The following MARK1 variants were observed in gnomAD, a reference collection of about 807,000 sequenced individuals.
MARK1 encodes serine/threonine-protein kinase MARK1.
In MARK1, 40 loss-of-function variants were observed where a neutral mutation model predicts 96.3. The ratio of observed to expected loss-of-function variants is 0.42; its 90% CI spans 0.32 to 0.54. MARK1 has a LOEUF of 0.54. Ranked by LOEUF, MARK1 falls within the 20% of genes least tolerant of loss-of-function variation. The pLI is 0.16. For synonymous variants in MARK1, 317 were observed against 341.2 expected (o/e 0.93, Z 0.78); for missense variants, 719 against 984.6 (o/e 0.73, Z 3.61).
At chr1:220,594,422 G>A (rs144916855) in intron 3 of MARK1, among the ~76,000 whole-genome samples, 13 of 152,256 alleles carry the variant, frequency 8.5e-5, no homozygotes, top group East Asian at 7.7e-4. Flanking sequence ...TGTTGCTGGC[G>A]GAAATGCAAA....
chr1:220,653,671 T>G (rs1669016900), intron 16 of MARK1, among the ~76,000 whole-genome samples: 1 of 152,168 alleles, frequency 6.6e-6, no homozygotes, highest in Non-Finnish European at 1.5e-5. Flanking sequence ...GGAAAAGAAA[T>G]GAGTTTACAT....
intron 1 of MARK1, among the ~76,000 whole-genome samples, chr1:220,555,939 G>C (rs1662214268): frequency 6.6e-6 from 1 of 152,170 alleles, no homozygotes; most frequent in African/African-American, 2.4e-5. Flanking sequence ...CTAATATGTA[G>C]ATAGACTTAA....
chr1:220,628,252 C>T lies in MARK1; in HGVS notation c.910-2783C>T, dbSNP rs1446082357. 3.9e-5 allele frequency among the ~76,000 whole-genome samples: 6 copies of T among 152,158 alleles called. No homozygotes were observed. In the South Asian group the frequency reaches 6.2e-4, roughly 16 times the overall value. On this transcript the variant is annotated intron_variant, in intron 9 of 17. Coordinates refer to ENST00000366917, the MANE Select transcript of MARK1 (RefSeq NM_018650.5). The stretch of plus-strand genomic sequence containing the variant: ...TCCTTTTCCTCAGCTTTTATACATA[C>T]GTGAATCTCTTCCACTAAAAAAGGC...
At chr1:220,644,240 A>C (rs1248736254) in intron 13 of MARK1, among the ~76,000 whole-genome samples, 3 of 152,160 alleles carry the variant, frequency 2.0e-5, no homozygotes, top group African/African-American at 7.2e-5. Flanking sequence ...AAGCAAATAG[A>C]AAGCAGAAAA....
At chr1:220,583,221 A>C (rs986779869) in intron 3 of MARK1, among the ~76,000 whole-genome samples, 1 of 152,178 alleles carries the variant, frequency 6.6e-6, no homozygotes, top group South Asian at 2.1e-4. Context: ...TTGTAATCTC[A>C]CTTCTAGAAG....
intron 13 of MARK1, among the ~76,000 whole-genome samples, chr1:220,638,665 TCA>T (rs1371525336): frequency 1.3e-5 from 2 of 152,168 alleles, no homozygotes; most frequent in Non-Finnish European, 2.9e-5. Context: ...ATTAAATATG[TCA>T]CACTTATTTA....
chr1:220,528,573 C>G lies in MARK1; in HGVS notation c.-250C>G. 2.1e-6 allele frequency: 1 copy of G among 469,754 alleles called. No homozygotes were observed. The highest frequency in any genetic ancestry group is 3.7e-6 in the Non-Finnish European group (1 of 267,786). The allele number at this position is 469,754 out of a possible 1,614,324, so 29.1% of individuals were successfully genotyped here. On this transcript the variant is annotated 5_prime_UTR_variant, in exon 1 of 18. Coordinates refer to ENST00000366917, the MANE Select transcript of MARK1 (RefSeq NM_018650.5). Reference sequence around the variant, plus strand: ...CGCCAGCGCCGGGCAACCGCCTCGCCCGAAGCCCTCCCTCGTTACTGTCCG... The same window carrying G: ...CGCCAGCGCCGGGCAACCGCCTCGCGCGAAGCCCTCCCTCGTTACTGTCCG...
chr1:220,653,460 TTCA>T, intron 16 of MARK1, 108 bp downstream of exon 16: 1 of 1,194,474 alleles, frequency 8.4e-7, no homozygotes, highest in Non-Finnish European at 1.1e-6. Flanking sequence ...TTCATAACAT[TTCA>T]TTAGAGCTGC....
At chr1:220,625,632 C>T (rs1306289989) in intron 9 of MARK1, 17 of 220,672 alleles carry the variant, frequency 7.7e-5, no homozygotes, top group South Asian at 2.1e-4. Context: ...TCTTTTATTC[C>T]GCTGAGAAAA....
intron 6 of MARK1, 143 bp from the exon 7 acceptor site, chr1:220,615,796 A>G: frequency 1.9e-6 from 1 of 525,240 alleles, no homozygotes; most frequent in Non-Finnish European, 3.4e-6. Context: ...TAATGTGTAT[A>G]GTTTTCTGAA....
At chr1:220,624,921 A>G (rs1233661432) in intron 9 of MARK1, among the ~76,000 whole-genome samples, 1 of 152,214 alleles carries the variant, frequency 6.6e-6, no homozygotes, top group African/African-American at 2.4e-5. Context: ...TCAGAACCAA[A>G]TGAATCTTGT....
chr1:220,595,544 C>T (rs1385673306), intron 3 of MARK1, among the ~76,000 whole-genome samples: 3 of 152,112 alleles, frequency 2.0e-5, no homozygotes, highest in African/African-American at 4.8e-5. Flanking sequence ...GTAGAGCAGA[C>T]GAGGCTCAGA....
intron 2 of MARK1, among the ~76,000 whole-genome samples, chr1:220,580,222 C>A (rs1198684017): frequency 2.6e-5 from 4 of 151,860 alleles, no homozygotes; most frequent in Non-Finnish European, 4.4e-5. Context: ...GTGGCTCATG[C>A]CTGCAATCTC....
chr1:220,550,911 A>G (rs1661811744), intron 1 of MARK1, among the ~76,000 whole-genome samples: 1 of 152,256 alleles, frequency 6.6e-6, no homozygotes, highest in Admixed American at 6.5e-5. Context: ...CTAAGGGATT[A>G]TACTTACACA....
chr1:220,648,395 G>A (rs572128702), intron 13 of MARK1, among the ~76,000 whole-genome samples: 1 of 152,274 alleles, frequency 6.6e-6, no homozygotes, highest in Non-Finnish European at 1.5e-5. Flanking sequence ...AGCTATAAAA[G>A]TTAGTTTTAT....
chr1:220,539,613 G>A (rs564071242), intron 1 of MARK1, among the ~76,000 whole-genome samples: 1 of 152,202 alleles, frequency 6.6e-6, no homozygotes, highest in South Asian at 2.1e-4. Flanking sequence ...TGCTTTTTCT[G>A]CATCTATTGA....
Position 220,626,279 on chromosome 1 carries a change from G to T in MARK1, c.910-4756G>T, listed in dbSNP as rs1172123872. 12 of 533,520 alleles carry T rather than the reference G, an allele frequency of 2.2e-5. 1 individual carries two copies. The highest frequency in any genetic ancestry group is 6.0e-5 in the Admixed American group (3 of 50,280). 33.0% of individuals were successfully genotyped at this position (533,520 alleles called of 1,614,324 possible). On this transcript the variant is annotated intron_variant, in intron 9 of 17. Coordinates refer to ENST00000366917, the MANE Select transcript of MARK1 (RefSeq NM_018650.5). ...GACATTGATATTCACCACGGCGATG[G>T]GATGGAAGAGGCCTTCTATACCACA...
chr1:220,564,045 A>G (rs777696190), intron 1 of MARK1, among the ~76,000 whole-genome samples: 3 of 152,210 alleles, frequency 2.0e-5, no homozygotes, highest in African/African-American at 7.2e-5. Flanking sequence ...CCAGGTTAAA[A>G]TGGATTACAT....
rs547085557 is a variant in MARK1, at chr1:220,626,375, T to C, written c.910-4660T>C. Reference sequence around the variant, plus strand: ...TCAGGAACTAGGGATCTACAGGATATTGGGGCTGGCAAAGGCAAGTATTAT... The same window carrying C: ...TCAGGAACTAGGGATCTACAGGATACTGGGGCTGGCAAAGGCAAGTATTAT... On this transcript the variant is annotated intron_variant, in intron 9 of 17. Transcript: ENST00000366917. The C allele has an allele frequency of 5.3e-5, 29 of 550,258 alleles. No individual in the cohort carries two copies. In the African/African-American group the frequency reaches 5.3e-4, roughly 10 times the overall value. 34.1% of individuals were successfully genotyped at this position (550,258 alleles called of 1,614,324 possible). A position where few individuals can be genotyped will look rare whatever the true frequency, so the allele number is the denominator to read the frequency against.
Sources: gnomAD v4.1 joint callset for allele counts (sites outside exome capture counted in the v4.1 genomes callset) on GRCh38, gnomAD v4.1.1 for gene constraint, MANE v1.5 for transcripts, NCBI Gene and HGNC (gene_info 2026-07-23, HGNC 2026-07-21) for gene names.